The following NUDT9 variants were observed in gnomAD, a reference collection of about 807,000 sequenced individuals.
The protein encoded by NUDT9 is ADP-ribose pyrophosphatase.
A neutral mutation model predicts 41.0 loss-of-function variants in NUDT9; 31 were observed. That is an observed-to-expected ratio of 0.76 (90% CI 0.57 to 1.02). NUDT9 has a LOEUF of 1.02. Ranked by LOEUF, NUDT9 falls within the 50% of genes least tolerant of loss-of-function variation. The probability of loss-of-function intolerance (pLI) is 0.00; values close to 1 mark genes in which losing one functional copy is unlikely to be tolerated. For missense variants in NUDT9, 380 were observed against 431.4 expected (o/e 0.88, Z 1.06); for synonymous variants, 146 against 147.6 (o/e 0.99, Z 0.08).
intron 1 of NUDT9, among the ~76,000 whole-genome samples, chr4:87,428,151 C>A (rs1426133592): frequency 6.6e-6 from 1 of 152,088 alleles, no homozygotes; most frequent in Non-Finnish European, 1.5e-5. Flanking sequence ...TAGGTTTTCC[C>A]TCATTTTTGG....
At position 87,435,062 on chromosome 4, in the gene NUDT9, T is replaced by C; in HGVS notation, c.189T>C (p.Asn63=). Residue 63 remains asparagine, a synonymous_variant, in exon 2 of 8, where the codon AAT becomes AAC. Transcript: ENST00000302174. ...ATGGTTCCAAAGAAAATTCTCACAA[T>C]AAGGCTCGGACGTCTCCTTACCCAG... is the stretch of plus-strand genomic sequence containing the variant. ...GSNGSKENSH[N]KARTSPYPGS... is the part of the protein sequence containing the mutation. 1 of 1,614,200 alleles carries C rather than the reference T, an allele frequency of 6.2e-7. No homozygotes were observed. Among genetic ancestry groups the C allele is most frequent in the Non-Finnish European group, 8.5e-7 (1 of 1,180,034 alleles).
chr4:87,444,482 A>C (rs544074178), intron 4 of NUDT9, among the ~76,000 whole-genome samples: 1 of 151,938 alleles, frequency 6.6e-6, no homozygotes, highest in South Asian at 2.1e-4. Context: ...TGATCAGCCT[A>C]CCTCTCCATC....
At chr4:87,447,569 G>A (rs1052930304) in intron 4 of NUDT9, among the ~76,000 whole-genome samples, 9 of 151,904 alleles carry the variant, frequency 5.9e-5, no homozygotes, top group Non-Finnish European at 8.8e-5. Flanking sequence ...GGTGAGGAAG[G>A]GGAAGGGGAG....
Position 87,423,030 on chromosome 4 carries a change from T to TAC in NUDT9, c.107+19_107+20dup. The TAC allele has an allele frequency of 6.3e-7, 1 of 1,594,850 alleles. No homozygotes were observed. The highest frequency in any genetic ancestry group is 8.6e-7 in the Non-Finnish European group (1 of 1,165,128). On this transcript the variant is annotated intron_variant, in intron 1 of 7. Transcript: ENST00000302174. Reference sequence around the variant, plus strand: ...GCGTTCAGGTATTCCACCCTCCTACTACCGGCTCCTTTGCCCTAGACCTTG... The same window carrying TAC: ...GCGTTCAGGTATTCCACCCTCCTACTACACCGGCTCCTTTGCCCTAGACCTTG...
At chr4:87,435,737 A>G (rs1302637043) in intron 2 of NUDT9, among the ~76,000 whole-genome samples, 1 of 152,216 alleles carries the variant, frequency 6.6e-6, no homozygotes, top group African/African-American at 2.4e-5. Flanking sequence ...GGCTCTCACT[A>G]AATTCATAGA....
intron 1 of NUDT9, among the ~76,000 whole-genome samples, chr4:87,431,024 C>A (rs529848998): frequency 1.3e-5 from 2 of 152,074 alleles, no homozygotes; most frequent in African/African-American, 4.8e-5. Flanking sequence ...AATCCAGTGT[C>A]GTGAAATTTT....
chr4:87,424,354 G>A (rs1440764519), intron 1 of NUDT9, among the ~76,000 whole-genome samples: 1 of 149,806 alleles, frequency 6.7e-6, no homozygotes, highest in Non-Finnish European at 1.5e-5. Context: ...CCGCCTCCTG[G>A]GTTCAAGCGA....
At chr4:87,426,237 T>C (rs1721410279) in intron 1 of NUDT9, among the ~76,000 whole-genome samples, 1 of 151,140 alleles carries the variant, frequency 6.6e-6, no homozygotes, top group Non-Finnish European at 1.5e-5. Flanking sequence ...TATTGTTTTA[T>C]TCCTGTGAAT....
rs114927213 is a variant in NUDT9 at position 87,450,804 on chromosome 4, C to T, written c.643-785C>T. ...ATTTAAAATTCTTATCAGGAAACTG[C>T]TGTCATTGTTATCATTTTGACAGTT... On this transcript the variant is annotated intron_variant, in intron 5 of 7. Coordinates refer to ENST00000302174, the MANE Select transcript of NUDT9 (RefSeq NM_024047.5). Among the ~76,000 whole-genome samples the T allele has an allele frequency of 4.6e-3, 705 of 152,304 alleles. 7 individuals are homozygous for T. Among genetic ancestry groups the T allele is most frequent in the African/African-American group, 0.016 (678 of 41,558 alleles).
At position 87,438,634 on chromosome 4, in the gene NUDT9, T is replaced by C. The variant is rs4693817; in HGVS notation, c.443+262T>C. Among the ~76,000 whole-genome samples, 1,011 of 152,332 alleles carry C rather than the reference T, an allele frequency of 6.6e-3. 43 individuals are homozygous for C. The highest frequency in any genetic ancestry group is 0.062 in the Admixed American group (942 of 15,296). On this transcript the variant is annotated intron_variant, in intron 3 of 7. Transcript: ENST00000302174. ...AATGCATCTTTTTGTAATTGTATCT[T>C]GGAAACAGAAATAATTGAATACATT...
chr4:87,443,605 C>T (rs115003599), intron 4 of NUDT9, among the ~76,000 whole-genome samples: 3,134 of 152,196 alleles, frequency 0.021, 35 homozygotes, highest in Middle Eastern at 0.061. Context: ...ATTCAGGATG[C>T]TTTAGAAGAT....
intron 6 of NUDT9, 53 bp from the exon 7 acceptor site, chr4:87,454,318 C>G: frequency 1.1e-6 from 1 of 934,408 alleles, no homozygotes. Flanking sequence ...ACATGCTCTG[C>G]TGTACTCACT....
chr4:87,441,797 C>G, intron 3 of NUDT9, 32 bp from the exon 4 acceptor site: 2 of 1,542,652 alleles, frequency 1.3e-6, no homozygotes, highest in Non-Finnish European at 8.9e-7. Context: ...TGAACACATT[C>G]AATTGATTTT....
chr4:87,433,145 G>T (rs1721761826), intron 1 of NUDT9, among the ~76,000 whole-genome samples: 2 of 151,980 alleles, frequency 1.3e-5, no homozygotes, highest in South Asian at 4.2e-4. Flanking sequence ...TCTTTGTTGG[G>T]AGTAAATAGA....
chr4:87,451,513 C>G (rs1436159611), intron 5 of NUDT9, 76 bp from the exon 6 acceptor site: 1 of 1,141,870 alleles, frequency 8.8e-7, no homozygotes, highest in South Asian at 1.4e-5. Flanking sequence ...TAAATGTTCA[C>G]TCTACTACTC....
At chr4:87,439,327 G>C (rs1722095300) in intron 3 of NUDT9, among the ~76,000 whole-genome samples, 1 of 151,952 alleles carries the variant, frequency 6.6e-6, no homozygotes, top group Non-Finnish European at 1.5e-5. Flanking sequence ...AGGTGACAGA[G>C]AGTGAATAAG....
intron 1 of NUDT9, among the ~76,000 whole-genome samples, chr4:87,432,038 C>CT (rs1013853120): frequency 4.2e-4 from 64 of 152,250 alleles, no homozygotes; most frequent in African/African-American, 1.5e-3. Context: ...TACCTTGCAA[C>CT]TTTGCTGAAT....
At chr4:87,445,701 G>T (rs1353712066) in intron 4 of NUDT9, among the ~76,000 whole-genome samples, 1 of 152,134 alleles carries the variant, frequency 6.6e-6, no homozygotes, top group African/African-American at 2.4e-5. Flanking sequence ...AAATATTACT[G>T]ATATTCAGTA....
intron 1 of NUDT9, among the ~76,000 whole-genome samples, chr4:87,424,766 T>C (rs1364765808): frequency 6.6e-6 from 1 of 152,232 alleles, no homozygotes; most frequent in African/African-American, 2.4e-5. Flanking sequence ...GTGTGTGCTC[T>C]CTGGAAATCT....
Sources: allele counts gnomAD v4.1 joint callset (sites outside exome capture counted in the v4.1 genomes callset), GRCh38; gene constraint gnomAD v4.1.1; transcripts MANE v1.5; gene names NCBI Gene and HGNC (gene_info 2026-07-23, HGNC 2026-07-21).